Variants in TENM3 observed in about 807,000 individuals in gnomAD.
The protein encoded by TENM3 is teneurin transmembrane protein 3.
In TENM3, 63 loss-of-function variants were observed where a neutral mutation model predicts 255.1. The observed-to-expected ratio is 0.25, with a 90% confidence interval of 0.20 to 0.30. TENM3 has a LOEUF of 0.30. Ranked by LOEUF, TENM3 falls within the 10% of genes least tolerant of loss-of-function variation. The pLI, the probability that TENM3 is intolerant of heterozygous loss-of-function variation, is 1.00. For missense variants in TENM3, 2,929 were observed against 3,461.1 expected (o/e 0.85, Z 3.86); for synonymous variants, 1,306 against 1,322.3 (o/e 0.99, Z 0.27).
chr4:182,356,561 C>T (rs1242977235), intron 3 of TENM3, among the ~76,000 whole-genome samples: 4 of 150,520 alleles, frequency 2.7e-5, no homozygotes, highest in Admixed American at 1.3e-4. Context: ...AGGGACGGAG[C>T]GGCAGAACAA....
chr4:181,924,497 C>T, the TENM3 span, among the ~76,000 whole-genome samples: 1 of 152,146 alleles, frequency 6.6e-6, no homozygotes, highest in Admixed American at 6.6e-5. Context: ...GGGTATATCA[C>T]TCAAGAATAT....
At chr4:181,697,388 T>A in the TENM3 span, among the ~76,000 whole-genome samples, 1 of 152,012 alleles carries the variant, frequency 6.6e-6, no homozygotes, top group Admixed American at 6.5e-5. Context: ...TTTTTGTGTG[T>A]TTGTTTTTGT....
At chr4:182,285,719 C>T (rs752723396) in intron 1 of TENM3, among the ~76,000 whole-genome samples, 1 of 152,148 alleles carries the variant, frequency 6.6e-6, no homozygotes. Flanking sequence ...AGGCAAACGT[C>T]AGAACTTCAG....
At chr4:182,796,265 C>T (rs73869831) in intron 26 of TENM3, among the ~76,000 whole-genome samples, 4,257 of 152,312 alleles carry the variant, frequency 0.028, 188 homozygotes, top group African/African-American at 0.094. Context: ...TTGAGACCAG[C>T]CTTGACCAAC....
the TENM3 span, among the ~76,000 whole-genome samples, chr4:181,586,630 G>A: frequency 6.6e-6 from 1 of 151,912 alleles, no homozygotes; most frequent in East Asian, 1.9e-4. Context: ...TCACGAGGTC[G>A]GGAGTTCAAG....
At position 182,416,998 on chromosome 4, in the gene TENM3, G is replaced by A. The variant is rs558805108; in HGVS notation, c.511+70069G>A. 5.3e-5 allele frequency among the ~76,000 whole-genome samples: 8 copies of A among 152,152 alleles called. No individual in the cohort carries two copies. In the South Asian group the frequency reaches 6.2e-4, roughly 12 times the overall value. On this transcript the variant is annotated intron_variant, in intron 3 of 27. Coordinates refer to ENST00000511685, the MANE Select transcript of TENM3 (RefSeq NM_001080477.4). ...GTTGTTGTTGTTTTTTTCTGAGACC[G>A]AGTCTCCCTCTGTCGCCCAGGCTGG...
the TENM3 span, among the ~76,000 whole-genome samples, chr4:181,480,795 T>G: frequency 1.3e-5 from 2 of 148,986 alleles, no homozygotes; most frequent in Admixed American, 6.7e-5. Flanking sequence ...ATAATATAGA[T>G]GTATTGATAT....
intron 3 of TENM3, among the ~76,000 whole-genome samples, chr4:182,379,351 C>A (rs139485220): frequency 6.6e-6 from 1 of 151,936 alleles, no homozygotes; most frequent in Non-Finnish European, 1.5e-5. Context: ...AGCGAGACTC[C>A]GTCTAAGAAA....
the TENM3 span, among the ~76,000 whole-genome samples, chr4:181,706,485 A>G: frequency 1.3e-5 from 2 of 152,244 alleles, no homozygotes; most frequent in Non-Finnish European, 2.9e-5. Flanking sequence ...AGTCAGAGAT[A>G]GTAAAGTTAT....
the TENM3 span, among the ~76,000 whole-genome samples, chr4:181,508,289 T>A: frequency 6.6e-6 from 1 of 152,230 alleles, no homozygotes; most frequent in Non-Finnish European, 1.5e-5. Flanking sequence ...CTTTGATCTC[T>A]TTTCAGACAG....
the TENM3 span, among the ~76,000 whole-genome samples, chr4:182,015,582 A>G: frequency 6.6e-6 from 1 of 151,630 alleles, no homozygotes; most frequent in African/African-American, 2.4e-5. Context: ...TTATTTTTAG[A>G]CAGGGTCTCA....
At chr4:182,184,893 GC>G (rs1033797370) in intron 1 of TENM3, among the ~76,000 whole-genome samples, 1 of 152,030 alleles carries the variant, frequency 6.6e-6, no homozygotes, top group Non-Finnish European at 1.5e-5. Context: ...GATCAGCTTG[GC>G]CAACATGATG....
chr4:182,096,755 T>C, the TENM3 span, among the ~76,000 whole-genome samples: 2 of 152,276 alleles, frequency 1.3e-5, no homozygotes, highest in Non-Finnish European at 1.5e-5. Context: ...GCTGCCAATG[T>C]GCAGGAAATT....
At chr4:182,417,270 C>T (rs1648612145) in intron 3 of TENM3, among the ~76,000 whole-genome samples, 1 of 152,074 alleles carries the variant, frequency 6.6e-6, no homozygotes, top group South Asian at 2.1e-4. Flanking sequence ...GCCACCGAGC[C>T]CGGCCTCCAT....
chr4:181,997,165 C>T, the TENM3 span, among the ~76,000 whole-genome samples: 41 of 152,274 alleles, frequency 2.7e-4, no homozygotes, highest in Non-Finnish European at 5.4e-4. Flanking sequence ...ACTTATTCCA[C>T]TTCAGACATC....
intron 2 of TENM3, among the ~76,000 whole-genome samples, chr4:182,345,713 A>G (rs926905630): frequency 6.6e-6 from 1 of 152,210 alleles, no homozygotes; most frequent in East Asian, 1.9e-4. Flanking sequence ...GTCATTAATA[A>G]CAGCAGTCAT....
At chr4:181,534,466 T>TC in the TENM3 span, among the ~76,000 whole-genome samples, 399 of 100,106 alleles carry the variant, frequency 4.0e-3, 3 homozygotes, top group African/African-American at 0.015. Context: ...CCTGAGGTCT[T>TC]CCCCCCCCCC....
chr4:182,763,793 C>T (rs1763421584), intron 22 of TENM3, among the ~76,000 whole-genome samples: 1 of 152,158 alleles, frequency 6.6e-6, no homozygotes, highest in African/African-American at 2.4e-5. Context: ...AAACCTCAAA[C>T]CTTTAAACCC....
At chr4:182,794,040 A>G (rs1011799253) in intron 26 of TENM3, among the ~76,000 whole-genome samples, 155 bp downstream of exon 26, 5 of 152,232 alleles carry the variant, frequency 3.3e-5, no homozygotes, top group African/African-American at 9.6e-5. Flanking sequence ...TTATGGAACC[A>G]TAGAGAAATC....
Sources: gnomAD v4.1 joint callset for allele counts (sites outside exome capture counted in the v4.1 genomes callset) on GRCh38, gnomAD v4.1.1 for gene constraint, MANE v1.5 for transcripts, NCBI Gene and HGNC (gene_info 2026-07-23, HGNC 2026-07-21) for gene names.